The following QSER1 variants were observed in gnomAD, a reference collection of about 807,000 sequenced individuals.
The protein encoded by QSER1 is glutamine and serine-rich protein 1.
A neutral mutation model predicts 158.5 loss-of-function variants in QSER1; 49 were observed. The observed-to-expected ratio is 0.31, with a 90% CI of 0.25 to 0.39. QSER1 has a LOEUF of 0.39. Among genes scored for constraint, QSER1 ranks in the 10% least tolerant of loss-of-function variants. The pLI, the probability that QSER1 is intolerant of heterozygous loss-of-function variation, is 1.00. For synonymous variants in QSER1, 650 were observed against 715.5 expected (o/e 0.91, Z 1.46); for missense variants, 1,754 against 2,010.3 (o/e 0.87, Z 2.44).
intron 1 of QSER1, among the ~76,000 whole-genome samples, chr11:32,925,397 C>G (rs1377858300): frequency 6.6e-6 from 1 of 152,148 alleles, no homozygotes; most frequent in Non-Finnish European, 1.5e-5. Flanking sequence ...CCCAGTGATA[C>G]TCCACTGAAC....
At chr11:32,914,297 G>T (rs1171985256) in intron 1 of QSER1, among the ~76,000 whole-genome samples, 3 of 152,174 alleles carry the variant, frequency 2.0e-5, no homozygotes. Flanking sequence ...AAGTCTTGTA[G>T]CATTTATTTG....
At chr11:32,972,889 TGCC>T (rs1852894853) in intron 10 of QSER1, among the ~76,000 whole-genome samples, 1 of 152,226 alleles carries the variant, frequency 6.6e-6, no homozygotes, top group Non-Finnish European at 1.5e-5. Context: ...AGCACTACAG[TGCC>T]GCTTCTCCTC....
intron 1 of QSER1, among the ~76,000 whole-genome samples, chr11:32,915,445 G>A (rs1851819377): frequency 6.6e-6 from 1 of 152,096 alleles, no homozygotes; most frequent in Non-Finnish European, 1.5e-5. Flanking sequence ...TTTGTAAGGT[G>A]ATGGTAAAAG....
intron 7 of QSER1, among the ~76,000 whole-genome samples, chr11:32,957,267 G>A (rs1290957006): frequency 4.7e-5 from 7 of 149,924 alleles, no homozygotes; most frequent in Admixed American, 3.3e-4. Context: ...TCAGCCTCCC[G>A]AGTAGCTGGG....
chr11:32,935,921 C>T (rs1334816589), intron 4 of QSER1, among the ~76,000 whole-genome samples: 1 of 152,188 alleles, frequency 6.6e-6, no homozygotes, highest in Admixed American at 6.5e-5. Flanking sequence ...TGGTTATGTG[C>T]AGCATGCACA....
chr11:32,940,983 CTTGAGT>C (rs1852222243), intron 4 of QSER1, among the ~76,000 whole-genome samples: 1 of 151,698 alleles, frequency 6.6e-6, no homozygotes, highest in Non-Finnish European at 1.5e-5. Flanking sequence ...TTTCTGGCTT[CTTGAGT>C]TTAATACTTA....
Position 32,979,748 on chromosome 11 carries a change from A to G in QSER1, c.*3274A>G, listed in dbSNP as rs1554934270. ...GATTTTCCTTTTAATATACATATTT[A>G]TTTTCTTTAAAGCAGCTATATCCCA... is the stretch of plus-strand genomic sequence containing the variant. On this transcript the variant is annotated 3_prime_UTR_variant, in exon 13 of 13. Transcript: ENST00000650167. 3.9e-5 allele frequency: 6 copies of G among 152,132 alleles called. No homozygotes were observed. Among genetic ancestry groups the G allele is most frequent in the Non-Finnish European group, 8.8e-5 (6 of 68,016 alleles). The allele number at this position is 152,132 out of a possible 1,614,324, so 9.4% of individuals were successfully genotyped here.
In QSER1 at chr11:32,934,347, C is replaced by T; in HGVS notation, c.3089C>T (p.Ser1030Leu). 1.9e-6 allele frequency: 3 copies of T among 1,613,888 alleles called. No homozygotes were observed. Among genetic ancestry groups the T allele is most frequent in the Non-Finnish European group, 2.5e-6 (3 of 1,179,966 alleles). Residue 1030 changes from serine (S) to leucine (L), a missense_variant, in exon 4 of 13, where the codon TCA (serine) becomes TTA (leucine). Ser to Leu is a moderately radical substitution (Grantham distance 145, BLOSUM62 -2). Transcript: ENST00000650167. ...QQSLDVRHVT[S>L]DFNSMTATVG... Reference sequence around the variant, plus strand: ...TCATTAGATGTCAGGCATGTGACTTCAGATTTTAACTCTATGACAGCTACA... The same window carrying T: ...TCATTAGATGTCAGGCATGTGACTTTAGATTTTAACTCTATGACAGCTACA...
intron 8 of QSER1, among the ~76,000 whole-genome samples, chr11:32,964,729 T>C (rs1213614509): frequency 8.7e-6 from 1 of 115,084 alleles, no homozygotes; most frequent in Non-Finnish European, 1.8e-5. Flanking sequence ...TATATATATA[T>C]ATATATATAT....
chr11:32,939,551 G>A (rs142925274), intron 4 of QSER1, among the ~76,000 whole-genome samples: 125 of 152,234 alleles, frequency 8.2e-4, no homozygotes, highest in African/African-American at 2.9e-3. Flanking sequence ...TTGTAAAACT[G>A]TAGGTTCTAT....
At chr11:32,972,306 T>C (rs1335424500) in intron 10 of QSER1, among the ~76,000 whole-genome samples, 1 of 152,132 alleles carries the variant, frequency 6.6e-6, no homozygotes, top group Non-Finnish European at 1.5e-5. Flanking sequence ...ATAATCAAAC[T>C]AGTTAAATGT....
Position 32,933,353 on chromosome 11 carries a change from C to G in QSER1, c.2095C>G (p.Gln699Glu). ...QEDGFPMQEL[Q>E]VLQPQASLES... ...AGATGGTTTTCCAATGCAAGAGTTA[C>G]AGGTGTTGCAGCCACAAGCATCTCT... The change falls in exon 4 of 13, where the codon CAG (glutamine) becomes GAG (glutamate). Residue 699 changes from glutamine (Q) to glutamate (E), a missense_variant. Around this residue, in one of 2 missense-constraint regions of QSER1, gnomAD observed 1,707 missense variants for 1,919.6 expected, o/e 0.89. Coordinates refer to ENST00000650167, the MANE Select transcript of QSER1 (RefSeq NM_001076786.3). 4 of 1,612,938 alleles carry G rather than the reference C, an allele frequency of 2.5e-6. No homozygotes were observed. The highest frequency in any genetic ancestry group is 3.4e-6 in the Non-Finnish European group (4 of 1,179,642).
intron 1 of QSER1, among the ~76,000 whole-genome samples, chr11:32,902,047 C>T (rs1441720837): frequency 1.3e-5 from 2 of 152,214 alleles, no homozygotes; most frequent in Non-Finnish European, 1.5e-5. Context: ...TGTGCCACTG[C>T]ACTCCAGTGT....
At chr11:32,975,188 A>G in intron 11 of QSER1, 60 bp from the exon 12 acceptor site, 1 of 1,228,678 alleles carries the variant, frequency 8.1e-7, no homozygotes, top group Non-Finnish European at 1.1e-6. Context: ...TATTTTCCTC[A>G]AAGTGTTCTT....
chr11:32,935,105 T>G lies in QSER1; in HGVS notation c.3847T>G (p.Leu1283Val), dbSNP rs1343858774. The change falls in exon 4 of 13, where the codon TTA becomes GTA. Residue 1283 changes from leucine to valine, a missense_variant. This residue lies in a region of QSER1 where 1,707 missense variants were observed against 1,919.6 expected (regional missense o/e 0.89). Coordinates refer to ENST00000650167, the MANE Select transcript of QSER1 (RefSeq NM_001076786.3). ...CAAAACAGGATTTATTGCTTCTTTC[T>G]TAGATTTTCTGAAATCCGGGCCCAA... ...EVKTGFIASF[L>V]DFLKSGPKQQ... The G allele has an allele frequency of 6.2e-7, 1 of 1,613,940 alleles. No homozygotes were observed. The highest frequency in any genetic ancestry group is 2.2e-5 in the East Asian group (1 of 44,892).
chr11:32,921,035 C>T (rs1351093502), intron 1 of QSER1, among the ~76,000 whole-genome samples: 1 of 152,082 alleles, frequency 6.6e-6, no homozygotes, highest in Non-Finnish European at 1.5e-5. Context: ...TACATCTATA[C>T]AAAAACTTGT....
Position 32,932,573 on chromosome 11 carries a change from T to C in QSER1, c.1315T>C (p.Ser439Pro), listed in dbSNP as rs887651911. Residue 439 changes from serine (S) to proline (P), a missense_variant, in exon 4 of 13, where the codon TCC (serine) becomes CCC (proline). Transcript: ENST00000650167. ...IIPPVQTLSYSKPLHNQSSVI... is the reference protein window; with the variant it reads ...IIPPVQTLSYPKPLHNQSSVI... ...TCCTCCTGTGCAAACACTAAGCTAT[T>C]CCAAACCTTTACATAATCAGAGTTC... 6.2e-7 allele frequency: 1 copy of C among 1,614,126 alleles called. No homozygotes were observed. The highest frequency in any genetic ancestry group is 1.7e-5 in the Admixed American group (1 of 60,016).
Position 32,933,844 on chromosome 11 carries a change from A to G in QSER1, c.2586A>G (p.Leu862=), listed in dbSNP as rs1389181260. ...TQVLLDSACD[L]QILQQSILQA... The stretch of plus-strand genomic sequence containing the variant: ...TCCTTTTAGATTCTGCCTGTGATTT[A>G]CAAATTCTTCAGCAGTCAATACTGC... Residue 862 remains leucine (L), a synonymous_variant, in exon 4 of 13, where the codon TTA becomes TTG. Transcript: ENST00000650167. The G allele has an allele frequency of 6.2e-7, 1 of 1,613,538 alleles. No homozygotes were observed. The highest frequency in any genetic ancestry group is 2.2e-5 in the East Asian group (1 of 44,882).
At chr11:32,924,904 C>G (rs1003960331) in intron 1 of QSER1, among the ~76,000 whole-genome samples, 4 of 152,112 alleles carry the variant, frequency 2.6e-5, no homozygotes, top group African/African-American at 7.2e-5. Flanking sequence ...CTAGTAGCCC[C>G]CAGTTTCTAT....
Sources: allele counts gnomAD v4.1 joint callset (sites outside exome capture counted in the v4.1 genomes callset), GRCh38; gene constraint gnomAD v4.1.1; regional missense constraint gnomAD v4.1.1; transcripts MANE v1.5; gene names NCBI Gene and HGNC (gene_info 2026-07-23, HGNC 2026-07-21).